FGF14: variants seen among roughly 807,000 people sequenced by gnomAD.
The protein encoded by FGF14 is fibroblast growth factor 14.
A neutral mutation model predicts 25.5 loss-of-function variants in FGF14; 5 were observed. The ratio of observed to expected loss-of-function variants is 0.20; its 90% CI spans 0.10 to 0.41. The LOEUF (loss-of-function observed/expected upper bound fraction) is 0.41. Among genes scored for constraint, FGF14 ranks in the 10% least tolerant of loss-of-function variants. FGF14 has a pLI of 1.00. For missense variants in FGF14, 222 were observed against 320.1 expected, an observed-to-expected ratio of 0.69 and a Z score of 2.34; for synonymous variants, 138 against 118.3, an observed-to-expected ratio of 1.17 and a Z score of -1.08.
At chr13:101,762,342 A>G (rs2038081445) in intron 3 of FGF14, among the ~76,000 whole-genome samples, 1 of 152,210 alleles carries the variant, frequency 6.6e-6, no homozygotes, top group African/African-American at 2.4e-5. Context: ...TTCTAACCCC[A>G]TTGTGCAAAA....
chr13:101,879,274 C>T (rs776736247), intron 1 of FGF14, among the ~76,000 whole-genome samples: 1 of 152,040 alleles, frequency 6.6e-6, no homozygotes, highest in African/African-American at 2.4e-5. Flanking sequence ...TTTGAAGATA[C>T]TCCTTGCACA....
intron 3 of FGF14, among the ~76,000 whole-genome samples, chr13:101,757,902 A>G (rs370363354): frequency 3.6e-4 from 55 of 152,348 alleles, no homozygotes; most frequent in African/African-American, 1.3e-3. Flanking sequence ...GACAGTAGAA[A>G]AGTAAGTAGC....
intron 1 of FGF14, among the ~76,000 whole-genome samples, chr13:101,886,857 A>G (rs1270215116): frequency 1.3e-5 from 2 of 152,184 alleles, no homozygotes; most frequent in African/African-American, 4.8e-5. Flanking sequence ...CAACAAAATA[A>G]CAAACCCCAT....
At chr13:101,907,888 TGAACTTAGATTACAGCACTA>T (rs2032441192) in intron 1 of FGF14, among the ~76,000 whole-genome samples, 1 of 152,152 alleles carries the variant, frequency 6.6e-6, no homozygotes. Flanking sequence ...GATGAGGTCT[TGAACTTAGATTACAGCACTA>T]GGAGTTTATC....
chr13:101,840,983 C>T (rs1036386659), intron 3 of FGF14, among the ~76,000 whole-genome samples: 5 of 152,008 alleles, frequency 3.3e-5, no homozygotes, highest in African/African-American at 1.2e-4. Context: ...TTTACAATCT[C>T]AAGTGTGGAG....
chr13:101,950,916 T>C (rs2036129918), intron 1 of FGF14, among the ~76,000 whole-genome samples: 1 of 152,118 alleles, frequency 6.6e-6, no homozygotes, highest in Admixed American at 6.6e-5. Context: ...TACTTACTCT[T>C]TAAAGAAAAG....
At chr13:102,180,293 G>A (rs1176295465) in intron 1 of FGF14, among the ~76,000 whole-genome samples, 1 of 152,010 alleles carries the variant, frequency 6.6e-6, no homozygotes, top group Non-Finnish European at 1.5e-5. Context: ...GTAATACCAA[G>A]TAAGAGAAGC....
intron 3 of FGF14, among the ~76,000 whole-genome samples, chr13:101,829,160 G>C (rs1474771934): frequency 6.6e-6 from 1 of 152,054 alleles, no homozygotes; most frequent in East Asian, 1.9e-4. Flanking sequence ...TCATCCAAAA[G>C]TCTTTACAGA....
chr13:102,220,191 G>A (rs1228450598), intron 1 of FGF14, among the ~76,000 whole-genome samples: 1 of 152,066 alleles, frequency 6.6e-6, no homozygotes, highest in Non-Finnish European at 1.5e-5. Flanking sequence ...AACCCTGTAA[G>A]AGAAAAGTGC....
chr13:102,051,056 CT>C (rs2042195774), intron 1 of FGF14, among the ~76,000 whole-genome samples: 1 of 152,202 alleles, frequency 6.6e-6, no homozygotes, highest in African/African-American at 2.4e-5. Context: ...AGTCTCAGAG[CT>C]GTGGTCAATA....
chr13:102,157,049 G>T (rs1294147636), intron 1 of FGF14, among the ~76,000 whole-genome samples: 2 of 152,146 alleles, frequency 1.3e-5, no homozygotes, highest in African/African-American at 2.4e-5. Flanking sequence ...TCATGGGTAG[G>T]AAGAATCAAT....
intron 1 of FGF14, among the ~76,000 whole-genome samples, chr13:102,113,296 A>G (rs1198106360): frequency 5.9e-5 from 9 of 152,210 alleles, no homozygotes; most frequent in South Asian, 2.1e-4. Flanking sequence ...AGGATCCTAG[A>G]CCAGGGCTTC....
intron 1 of FGF14, among the ~76,000 whole-genome samples, chr13:102,354,923 ACTTCCTTGACCTC>A (rs572809953): frequency 6.6e-6 from 1 of 152,140 alleles, no homozygotes; most frequent in East Asian, 1.9e-4. Context: ...ATTTGTAAAA[ACTTCCTTGACCTC>A]CCCTCACATC....
intron 1 of FGF14, among the ~76,000 whole-genome samples, chr13:102,352,811 CAAA>C (rs368786811): frequency 4.8e-5 from 3 of 62,116 alleles, no homozygotes. Context: ...GACTCTGTCT[CAAA>C]AAAAAAAAAA....
At chr13:101,868,930 C>T (rs2044885695) in intron 2 of FGF14, 102 bp from the exon 3 acceptor site, 3 of 783,362 alleles carry the variant, frequency 3.8e-6, no homozygotes, top group South Asian at 1.5e-5. Flanking sequence ...ATCATCTTTG[C>T]CAATACTTTC....
intron 1 of FGF14, among the ~76,000 whole-genome samples, chr13:102,194,597 T>A (rs2049269563): frequency 6.6e-6 from 1 of 151,862 alleles, no homozygotes; most frequent in Admixed American, 6.6e-5. Flanking sequence ...ATGAACAAAG[T>A]CTCCAATGTC....
rs2034474777 is a variant in FGF14 at position 101,711,715 on chromosome 13, T to A, written c.*11116A>T. ...ATTTCATTTCTTTCCCCTTCCTATG[T>A]CCTAAGATGCCCTGAAGACACATGA... On this transcript the variant is annotated 3_prime_UTR_variant, in exon 5 of 5. Transcript: ENST00000376143. The A allele has an allele frequency of 6.6e-6, 1 of 152,152 alleles. No individual in the cohort carries two copies. Among genetic ancestry groups the A allele is most frequent in the African/African-American group, 2.4e-5 (1 of 41,422 alleles). 9.4% of individuals were successfully genotyped at this position (152,152 alleles called of 1,614,324 possible). A position where few individuals can be genotyped will look rare whatever the true frequency, so the allele number is the denominator to read the frequency against.
At chr13:101,862,034 T>A (rs2044444552) in intron 3 of FGF14, among the ~76,000 whole-genome samples, 1 of 151,984 alleles carries the variant, frequency 6.6e-6, no homozygotes, top group Non-Finnish European at 1.5e-5. Context: ...GGGAAATAGG[T>A]GAATGTGTCC....
At chr13:101,770,282 C>T (rs1269917050) in intron 3 of FGF14, among the ~76,000 whole-genome samples, 2 of 152,064 alleles carry the variant, frequency 1.3e-5, no homozygotes, top group East Asian at 3.9e-4. Flanking sequence ...TACATTAATG[C>T]TGTTAGTAAT....
Sources: allele counts gnomAD v4.1 joint callset (sites outside exome capture counted in the v4.1 genomes callset), GRCh38; gene constraint gnomAD v4.1.1; transcripts MANE v1.5; gene names NCBI Gene and HGNC (gene_info 2026-07-23, HGNC 2026-07-21).